NRXN1: variants seen among roughly 807,000 people sequenced by gnomAD.
NRXN1 encodes neurexin 1, also known as neurexin-1.
Under a neutral mutation model 150.9 loss-of-function variants are expected in NRXN1, and 39 were observed. The ratio of observed to expected loss-of-function variants is 0.26; its 90% CI spans 0.20 to 0.34. The LOEUF (loss-of-function observed/expected upper bound fraction) is 0.34. Ranked by LOEUF, NRXN1 falls within the 10% of genes least tolerant of loss-of-function variation. The pLI, the probability that NRXN1 is intolerant of heterozygous loss-of-function variation, is 1.00. For synonymous variants in NRXN1, 924 were observed against 757.0 expected, an observed-to-expected ratio of 1.22 and a Z score of -3.62; for missense variants, 1,815 against 1,949.9, an observed-to-expected ratio of 0.93 and a Z score of 1.30.
intron 18 of NRXN1, among the ~76,000 whole-genome samples, chr2:50,163,184 A>ATATG (rs1375477446): frequency 6.7e-6 from 1 of 148,780 alleles, no homozygotes; most frequent in Non-Finnish European, 1.5e-5. Flanking sequence ...ATATATATAT[A>ATATG]TAAAACAATA....
At chr2:51,026,959 C>T (rs1049311318) in intron 2 of NRXN1, among the ~76,000 whole-genome samples, 2 of 152,238 alleles carry the variant, frequency 1.3e-5, no homozygotes, top group Non-Finnish European at 2.9e-5. Flanking sequence ...AGGCAGAGCA[C>T]TGCCCGTGAA....
chr2:50,590,462 T>A (rs1673979589), intron 8 of NRXN1, among the ~76,000 whole-genome samples: 1 of 152,176 alleles, frequency 6.6e-6, no homozygotes, highest in African/African-American at 2.4e-5. Context: ...AATACCTTTA[T>A]ATACCTAAGC....
chr2:50,932,135 C>G (rs1397015919), intron 2 of NRXN1, among the ~76,000 whole-genome samples: 1 of 152,086 alleles, frequency 6.6e-6, no homozygotes, highest in South Asian at 2.1e-4. Flanking sequence ...CACCTGTAAT[C>G]CCAGTACTTT....
chr2:50,266,003 T>TTATTTA (rs1491112195), intron 17 of NRXN1, among the ~76,000 whole-genome samples: 2 of 27,258 alleles, frequency 7.3e-5, no homozygotes, highest in South Asian at 8.3e-4. Context: ...TTATTATTTA[T>TTATTTA]TTTTTTTTTT....
intron 5 of NRXN1, among the ~76,000 whole-genome samples, chr2:50,684,868 C>T (rs1482987141): frequency 2.0e-5 from 3 of 152,032 alleles, no homozygotes; most frequent in Admixed American, 6.6e-5. Context: ...AGTTTCTTTG[C>T]TTACATATTA....
intron 2 of NRXN1, among the ~76,000 whole-genome samples, chr2:51,012,374 A>C (rs1668014919): frequency 6.6e-6 from 1 of 152,022 alleles, no homozygotes; most frequent in Non-Finnish European, 1.5e-5. Flanking sequence ...AATTTGTAAA[A>C]GGAGCCATAT....
intron 17 of NRXN1, among the ~76,000 whole-genome samples, chr2:50,313,638 C>A (rs571683676): frequency 3.9e-5 from 6 of 152,194 alleles, no homozygotes; most frequent in African/African-American, 1.4e-4. Flanking sequence ...GAACACCATA[C>A]CGCTACTTCT....
At chr2:50,625,839 C>T (rs192793391) in intron 5 of NRXN1, among the ~76,000 whole-genome samples, 106 of 152,110 alleles carry the variant, frequency 7.0e-4, no homozygotes, top group African/African-American at 2.3e-3. Flanking sequence ...AAAGTTGATA[C>T]GCTGGTGATA....
chr2:50,959,191 C>T, intron 2 of NRXN1, among the ~76,000 whole-genome samples: 1 of 152,054 alleles, frequency 6.6e-6, no homozygotes, highest in South Asian at 2.1e-4. Context: ...CTTTGGAAAG[C>T]AGTCTGGTAG....
At chr2:50,533,307 T>A (rs556545146) in intron 10 of NRXN1, among the ~76,000 whole-genome samples, 1 of 152,314 alleles carries the variant, frequency 6.6e-6, no homozygotes, top group African/African-American at 2.4e-5. Context: ...TTGGAAATTT[T>A]CAATTGGAAT....
chr2:50,074,319 C>T (rs998992825), intron 19 of NRXN1, among the ~76,000 whole-genome samples: 1 of 152,052 alleles, frequency 6.6e-6, no homozygotes, highest in East Asian at 1.9e-4. Flanking sequence ...ATTTAAATCT[C>T]ACGAAATCTT....
At chr2:50,078,441 TTAAA>T (rs1489887466) in intron 19 of NRXN1, among the ~76,000 whole-genome samples, 1 of 151,966 alleles carries the variant, frequency 6.6e-6, no homozygotes, top group African/African-American at 2.4e-5. Flanking sequence ...CTGTTAATAA[TTAAA>T]TAACCATTAG....
chr2:50,456,053 T>C (rs1329951010), intron 17 of NRXN1, among the ~76,000 whole-genome samples: 1 of 152,186 alleles, frequency 6.6e-6, no homozygotes. Context: ...TATCTTCTGC[T>C]ACATATTCCA....
At chr2:50,960,667 C>T (rs1341761020) in intron 2 of NRXN1, among the ~76,000 whole-genome samples, 1 of 151,884 alleles carries the variant, frequency 6.6e-6, no homozygotes, top group Non-Finnish European at 1.5e-5. Context: ...CAGGCGTGAA[C>T]TTGCAGAAGC....
chr2:50,107,535 ATATATT>A (rs1394652651), intron 18 of NRXN1, among the ~76,000 whole-genome samples: 3 of 128,746 alleles, frequency 2.3e-5, no homozygotes, highest in Admixed American at 7.9e-5. Flanking sequence ...ATATATATAT[ATATATT>A]TTTTTTTTTT....
intron 12 of NRXN1, among the ~76,000 whole-genome samples, chr2:50,525,193 G>C (rs1341717793): frequency 2.0e-5 from 3 of 152,158 alleles, no homozygotes; most frequent in African/African-American, 7.2e-5. Context: ...TAATTCACGT[G>C]CTAGTCACAA....
chr2:50,239,480 C>T lies in NRXN1; in HGVS notation c.3365-2510G>A, dbSNP rs536304232. ...AACAACATTGCATATTAATTTTTAA[C>T]TTTAAACATCACTTTCACAATTAAA... On this transcript the variant is annotated intron_variant, in intron 17 of 22. Transcript: ENST00000401669. Among the ~76,000 whole-genome samples, 5 of 99,452 alleles carry T rather than the reference C, an allele frequency of 5.0e-5. No individual in the cohort carries two copies. In the East Asian group the frequency reaches 1.6e-3, roughly 32 times the overall value. The allele number at this position is 99,452 out of a possible 152,430, so 65.2% of individuals were successfully genotyped here. A position where few individuals can be genotyped will look rare whatever the true frequency, so the allele number is the denominator to read the frequency against.
At position 50,258,929 on chromosome 2, in the gene NRXN1, T is replaced by C. The variant is rs1432030158; in HGVS notation, c.3365-21959A>G. On this transcript the variant is annotated intron_variant, in intron 17 of 22. Coordinates refer to ENST00000401669, the MANE Select transcript of NRXN1 (RefSeq NM_001330078.2). The stretch of plus-strand genomic sequence containing the variant: ...ATTTCTAAGCAGTAGGTCTCAATAT[T>C]GGGCTCAAAGTGTTCAGTAAATCAT... 2.0e-5 allele frequency among the ~76,000 whole-genome samples: 3 copies of C among 152,188 alleles called. No individual in the cohort carries two copies. In the East Asian group the frequency reaches 5.8e-4, roughly 29 times the overall value.
At position 50,908,716 on chromosome 2, in the gene NRXN1, T is replaced by A. The variant is rs537328422; in HGVS notation, c.832+13153A>T. ...CAAATTTTGTGTGTTGAAAACTTAA[T>A]CCTCAAATTAATACGCTGACTGGAA... is the stretch of plus-strand genomic sequence containing the variant. On this transcript the variant is annotated intron_variant, in intron 5 of 22. Transcript: ENST00000401669. Among the ~76,000 whole-genome samples, 4 of 152,170 alleles carry A rather than the reference T, an allele frequency of 2.6e-5. No homozygotes were observed. In the East Asian group the frequency reaches 5.8e-4, roughly 22 times the overall value.
Sources: gnomAD v4.1 joint callset for allele counts (sites outside exome capture counted in the v4.1 genomes callset) on GRCh38, gnomAD v4.1.1 for gene constraint, MANE v1.5 for transcripts, NCBI Gene and HGNC (gene_info 2026-07-23, HGNC 2026-07-21) for gene names.